Variants in KCNH8 observed in about 807,000 individuals in gnomAD.
The protein encoded by KCNH8 is voltage-gated delayed rectifier potassium channel KCNH8.
A neutral mutation model predicts 103.6 loss-of-function variants in KCNH8; 70 were observed. That is an observed-to-expected ratio of 0.68 (90% CI 0.56 to 0.82). KCNH8 has a LOEUF of 0.82. Among genes scored for constraint, KCNH8 ranks in the 40% least tolerant of loss-of-function variants. KCNH8 has a pLI of 0.00. For missense variants in KCNH8, 1,217 were observed against 1,329.9 expected (o/e 0.92, Z 1.32); for synonymous variants, 498 against 489.4 (o/e 1.02, Z -0.23).
intron 11 of KCNH8, among the ~76,000 whole-genome samples, chr3:19,492,543 TG>T (rs980567013): frequency 7.9e-5 from 12 of 152,212 alleles, no homozygotes; most frequent in Admixed American, 2.0e-4. Context: ...TGTCTGTTTT[TG>T]TAACAGTACC....
intron 2 of KCNH8, among the ~76,000 whole-genome samples, chr3:19,274,700 A>G (rs988047887): frequency 2.6e-5 from 4 of 152,088 alleles, no homozygotes; most frequent in African/African-American, 4.8e-5. Context: ...AGAGGTGGCT[A>G]TACATACACC....
intron 3 of KCNH8, among the ~76,000 whole-genome samples, chr3:19,327,034 C>T (rs546341334): frequency 6.6e-6 from 1 of 152,200 alleles, no homozygotes; most frequent in Non-Finnish European, 1.5e-5. Flanking sequence ...CTAGTTCTCT[C>T]TCTCTGTCTT....
intron 10 of KCNH8, among the ~76,000 whole-genome samples, chr3:19,452,962 C>T (rs966671780): frequency 2.6e-5 from 4 of 152,094 alleles, no homozygotes; most frequent in African/African-American, 9.7e-5. Context: ...AAGTGTTCAT[C>T]ATTGGATGAA....
At chr3:19,527,215 A>G (rs1352323138) in intron 15 of KCNH8, among the ~76,000 whole-genome samples, 2 of 152,088 alleles carry the variant, frequency 1.3e-5, no homozygotes, top group African/African-American at 2.4e-5. Flanking sequence ...TAAAAATTCG[A>G]GACTTTTTCT....
intron 6 of KCNH8, among the ~76,000 whole-genome samples, chr3:19,393,880 T>C (rs1187551118): frequency 6.6e-6 from 1 of 152,136 alleles, no homozygotes; most frequent in East Asian, 1.9e-4. Flanking sequence ...ATTTCTACGC[T>C]GAGCTTGGAG....
chr3:19,467,400 A>G (rs1272665601), intron 11 of KCNH8, among the ~76,000 whole-genome samples: 1 of 152,084 alleles, frequency 6.6e-6, no homozygotes, highest in Non-Finnish European at 1.5e-5. Context: ...AACAGCTGCC[A>G]TTTCTGATTG....
At chr3:19,501,656 A>G (rs927718341) in intron 11 of KCNH8, among the ~76,000 whole-genome samples, 6 of 152,316 alleles carry the variant, frequency 3.9e-5, no homozygotes, top group Middle Eastern at 3.4e-3. Context: ...CAGCATATAA[A>G]CAGAACCAAA....
intron 1 of KCNH8, among the ~76,000 whole-genome samples, chr3:19,199,988 T>C (rs2063640606): frequency 6.6e-6 from 1 of 152,116 alleles, no homozygotes; most frequent in Admixed American, 6.6e-5. Flanking sequence ...GACGTGAATA[T>C]CTTGGTACAA....
At chr3:19,354,537 A>G (rs1178281282) in intron 5 of KCNH8, among the ~76,000 whole-genome samples, 1 of 152,204 alleles carries the variant, frequency 6.6e-6, no homozygotes, top group Non-Finnish European at 1.5e-5. Flanking sequence ...ACAGAGATAT[A>G]GACCAATGGA....
In KCNH8 at chr3:19,270,227, G is replaced by A. The variant is rs1245293324; in HGVS notation, c.311-10971G>A. 3.3e-5 allele frequency among the ~76,000 whole-genome samples: 5 copies of A among 152,234 alleles called. No homozygotes were observed. In the East Asian group the frequency reaches 7.7e-4, roughly 24 times the overall value. Reference sequence around the variant, plus strand: ...AGTTGAGACAGAGACCATATGCTCTGTAAAGCCAAAAATATTTAGTCTCTG... The same window carrying A: ...AGTTGAGACAGAGACCATATGCTCTATAAAGCCAAAAATATTTAGTCTCTG... On this transcript the variant is annotated intron_variant, in intron 2 of 15. Transcript: ENST00000328405.
intron 1 of KCNH8, among the ~76,000 whole-genome samples, chr3:19,231,331 T>G (rs2063992206): frequency 6.6e-6 from 1 of 152,178 alleles, no homozygotes; most frequent in African/African-American, 2.4e-5. Flanking sequence ...ACTAGTGTAG[T>G]GTCCTTATTG....
At chr3:19,326,952 A>G (rs1331780903) in intron 3 of KCNH8, among the ~76,000 whole-genome samples, 1 of 152,152 alleles carries the variant, frequency 6.6e-6, no homozygotes, top group Non-Finnish European at 1.5e-5. Context: ...TCATTGATAT[A>G]TCTGGTGTCT....
At chr3:19,279,713 C>T (rs1415721254) in intron 2 of KCNH8, among the ~76,000 whole-genome samples, 2 of 152,048 alleles carry the variant, frequency 1.3e-5, no homozygotes, top group Non-Finnish European at 2.9e-5. Context: ...ACAAATACAG[C>T]AGCAGCTACG....
chr3:19,159,504 C>T (rs1259684328), intron 1 of KCNH8, among the ~76,000 whole-genome samples: 2 of 151,822 alleles, frequency 1.3e-5, no homozygotes, highest in African/African-American at 2.4e-5. Flanking sequence ...GCATTTGTGC[C>T]GATTTTTCAT....
intron 11 of KCNH8, 75 bp downstream of exon 11, chr3:19,457,057 A>G: frequency 1.0e-6 from 1 of 976,114 alleles, no homozygotes; most frequent in East Asian, 2.6e-5. Flanking sequence ...GTAAAGGCAG[A>G]TGTCATGACC....
At chr3:19,169,829 G>A (rs1390994126) in intron 1 of KCNH8, among the ~76,000 whole-genome samples, 1 of 152,084 alleles carries the variant, frequency 6.6e-6, no homozygotes, top group East Asian at 1.9e-4. Context: ...ACCTATCAAG[G>A]ATCCATACAT....
chr3:19,154,352 G>C (rs1308799261), intron 1 of KCNH8, among the ~76,000 whole-genome samples: 1 of 152,134 alleles, frequency 6.6e-6, no homozygotes, highest in Non-Finnish European at 1.5e-5. Flanking sequence ...GCAATGGAAA[G>C]TAGGTTAGAC....
At chr3:19,366,219 C>T (rs2066009212) in intron 5 of KCNH8, among the ~76,000 whole-genome samples, 1 of 151,930 alleles carries the variant, frequency 6.6e-6, no homozygotes, top group Non-Finnish European at 1.5e-5. Flanking sequence ...AATTCAGATA[C>T]TATAATATTC....
At chr3:19,361,114 T>A (rs1404328008) in intron 5 of KCNH8, among the ~76,000 whole-genome samples, 1 of 152,090 alleles carries the variant, frequency 6.6e-6, no homozygotes. Context: ...TAACAATTCC[T>A]GTGCTCAGAC....
Sources: allele counts gnomAD v4.1 joint callset (sites outside exome capture counted in the v4.1 genomes callset), GRCh38; gene constraint gnomAD v4.1.1; transcripts MANE v1.5; gene names NCBI Gene and HGNC (gene_info 2026-07-23, HGNC 2026-07-21).